AMTN: variants seen among roughly 807,000 people sequenced by gnomAD.
AMTN encodes the protein amelotin.
AMTN carries 29 observed loss-of-function variants against 27.4 expected under a neutral mutation model. The ratio of observed to expected loss-of-function variants is 1.06; its 90% CI spans 0.79 to 1.44. The LOEUF is 1.44. Ranked by LOEUF, AMTN falls within the 40% of genes most tolerant of loss-of-function variation. AMTN has a pLI of 0.00. For synonymous variants in AMTN, 86 were observed against 95.7 expected (o/e 0.90, Z 0.59); for missense variants, 247 against 248.8 (o/e 0.99, Z 0.05).
At chr4:70,529,778 C>A (rs17733431) in intron 7 of AMTN, among the ~76,000 whole-genome samples, 27,532 of 152,008 alleles carry the variant, frequency 0.18, 2,811 homozygotes, top group African/African-American at 0.26. Flanking sequence ...AACATGATAT[C>A]TAAACATGAC....
At chr4:70,523,760 TA>T in intron 3 of AMTN, 107 bp from the exon 4 acceptor site, 1 of 960,562 alleles carries the variant, frequency 1.0e-6, no homozygotes, top group Non-Finnish European at 1.6e-6. Flanking sequence ...ACCTTCATGG[TA>T]AACCCACCTC....
At chr4:70,528,981 C>CA (rs1409352958) in intron 6 of AMTN, among the ~76,000 whole-genome samples, 1 of 152,044 alleles carries the variant, frequency 6.6e-6, no homozygotes, top group Non-Finnish European at 1.5e-5. Flanking sequence ...ACTCATTACT[C>CA]AAAAAATGAA....
rs1274359452 is a variant in AMTN at position 70,522,147 on chromosome 4, T to C, written c.55-608T>C. ...AGGGATCTAGCACTGGCTCTGCTGC[T>C]CACCATGTCACCTTGGGCAAGTTAC... On this transcript the variant is annotated intron_variant, in intron 2 of 8. Transcript: ENST00000339336. Among the ~76,000 whole-genome samples the C allele has an allele frequency of 2.6e-5, 4 of 152,090 alleles. No homozygotes were observed. In the East Asian group the frequency reaches 7.7e-4, roughly 29 times the overall value.
chr4:70,521,712 C>G (rs1433250258), intron 2 of AMTN, among the ~76,000 whole-genome samples: 1 of 125,300 alleles, frequency 8.0e-6, no homozygotes, highest in Non-Finnish European at 1.6e-5. Context: ...CTCTGGCTCC[C>G]GGGTTCAAGT....
chr4:70,529,737 A>G (rs1352302042), intron 7 of AMTN, among the ~76,000 whole-genome samples: 1 of 152,208 alleles, frequency 6.6e-6, no homozygotes, highest in Non-Finnish European at 1.5e-5. Flanking sequence ...ATTCCTCCAT[A>G]GGTCCTTTTC....
rs779571681 is a variant in AMTN, at chr4:70,532,476, A to G, written c.*11A>G. On this transcript the variant is annotated 3_prime_UTR_variant, in exon 9 of 9. Transcript: ENST00000339336. The stretch of plus-strand genomic sequence containing the variant: ...CCAGGAATTCAGTAAGCTGTTTCAA[A>G]TTTTTTCAACTAAGCTGCCTCGAAT... The G allele has an allele frequency of 1.1e-5, 17 of 1,607,198 alleles. No homozygotes were observed. In the East Asian group the frequency reaches 3.8e-4, roughly 36 times the overall value.
chr4:70,523,735 G>A, intron 3 of AMTN, 133 bp from the exon 4 acceptor site: 1 of 739,706 alleles, frequency 1.4e-6, no homozygotes. Context: ...AGGCCCCGAG[G>A]CTTCATCTTT....
At chr4:70,528,898 C>T in intron 6 of AMTN, 140 bp downstream of exon 6, 1 of 741,394 alleles carries the variant, frequency 1.3e-6, no homozygotes, top group Non-Finnish European at 2.1e-6. Context: ...CAAGAGCTTG[C>T]TTTCTGCATA....
chr4:70,531,674 G>A (rs1736228248), intron 8 of AMTN, among the ~76,000 whole-genome samples: 1 of 152,106 alleles, frequency 6.6e-6, no homozygotes, highest in Admixed American at 6.5e-5. Context: ...ACCACAGCTG[G>A]CTAATTTTTG....
In AMTN at chr4:70,531,379, G is replaced by A; in HGVS notation, c.619+79G>A. 4.5e-6 allele frequency: 7 copies of A among 1,563,034 alleles called. No homozygotes were observed. The South Asian group carries it at 8.3e-5, about 19-fold the overall frequency. ...ATGGAAAAGAGGAGTTCTTTGTCTT[G>A]CCTTGACAAATGCAGATCTTAGTAA... On this transcript the variant is annotated intron_variant, in intron 8 of 8. Transcript: ENST00000339336.
chr4:70,529,142 TA>T, intron 6 of AMTN, 41 bp from the exon 7 acceptor site: 1 of 1,499,844 alleles, frequency 6.7e-7, no homozygotes, highest in Admixed American at 2.3e-5. Context: ...ACAAATACAT[TA>T]AAATGTGTCT....
At chr4:70,519,996 AAAGTATG>A (rs1735917827) in intron 2 of AMTN, among the ~76,000 whole-genome samples, 1 of 134,544 alleles carries the variant, frequency 7.4e-6, no homozygotes, top group South Asian at 2.3e-4. Context: ...TAAACAAGGT[AAAGTATG>A]AAGTTAATTT....
At chr4:70,531,936 A>C (rs1240379742) in intron 8 of AMTN, among the ~76,000 whole-genome samples, 1 of 152,260 alleles carries the variant, frequency 6.6e-6, no homozygotes, top group Non-Finnish European at 1.5e-5. Context: ...GATTGCAGGC[A>C]TGAGCCGCCA....
intron 5 of AMTN, among the ~76,000 whole-genome samples, chr4:70,528,452 C>T (rs1031262314): frequency 2.6e-5 from 4 of 152,046 alleles, no homozygotes; most frequent in Non-Finnish European, 5.9e-5. Flanking sequence ...AGTTTGAGAC[C>T]AGCCTGACCA....
At chr4:70,526,258 A>C (rs1011707150) in intron 5 of AMTN, among the ~76,000 whole-genome samples, 3 of 152,144 alleles carry the variant, frequency 2.0e-5, no homozygotes, top group Non-Finnish European at 1.5e-5. Flanking sequence ...TTTTGCTATA[A>C]TGTTTTGTAA....
In AMTN at chr4:70,522,773, G is replaced by A. The variant is rs1040295997; in HGVS notation, c.73G>A (p.Gly25Arg). The A allele has an allele frequency of 1.2e-6, 2 of 1,613,822 alleles. No homozygotes were observed. The highest frequency in any genetic ancestry group is 1.7e-6 in the Non-Finnish European group (2 of 1,179,918). The change falls in exon 3 of 9, where the codon GGA becomes AGA. Residue 25 changes from glycine (G) to arginine (R), a missense_variant. Coordinates refer to ENST00000339336, the MANE Select transcript of AMTN (RefSeq NM_212557.4). ...RSLPQLKPAL[G>R]LPPTKLAPDQ... ...ACAAAAGCAGCTCAAACCTGCTTTGGGACTCCCTCCCACAAAACTGGCTCC... is the reference window on the plus strand; with the variant it reads ...ACAAAAGCAGCTCAAACCTGCTTTGAGACTCCCTCCCACAAAACTGGCTCC...
chr4:70,530,212 T>C (rs1736191378), intron 7 of AMTN, among the ~76,000 whole-genome samples: 2 of 121,512 alleles, frequency 1.6e-5, no homozygotes, highest in African/African-American at 6.7e-5. Context: ...ACATTTTTCA[T>C]GCAGCTTAGC....
At chr4:70,523,474 CTCAG>C (rs570021208) in intron 3 of AMTN, among the ~76,000 whole-genome samples, 31 of 152,254 alleles carry the variant, frequency 2.0e-4, no homozygotes, top group African/African-American at 7.0e-4. Context: ...AAGTCTTCTC[CTCAG>C]TCAACAGAAC....
Position 70,519,639 on chromosome 4 carries a change from A to T in AMTN, c.54+808A>T, listed in dbSNP as rs536457459. Among the ~76,000 whole-genome samples the T allele has an allele frequency of 7.2e-5, 11 of 152,296 alleles. No individual in the cohort carries two copies. In the South Asian group the frequency reaches 2.3e-3, roughly 32 times the overall value. ...TTGTGCTAGGTGCTGAAGAAACAAT[A>T]GTGAGAAGGGAAAAAAAGGCATAAT... On this transcript the variant is annotated intron_variant, in intron 2 of 8. Coordinates refer to ENST00000339336, the MANE Select transcript of AMTN (RefSeq NM_212557.4).
Sources: allele counts gnomAD v4.1 joint callset (sites outside exome capture counted in the v4.1 genomes callset), GRCh38; gene constraint gnomAD v4.1.1; transcripts MANE v1.5; gene names NCBI Gene and HGNC (gene_info 2026-07-23, HGNC 2026-07-21).